Variants in ZNF804B observed in about 807,000 individuals in gnomAD.
ZNF804B encodes the protein zinc finger 804B.
Under a neutral mutation model 101.4 loss-of-function variants are expected in ZNF804B, and 80 were observed. That is an observed-to-expected ratio of 0.79 (90% CI 0.66 to 0.95). The LOEUF is 0.95. ZNF804B is among the 40% of genes least tolerant of loss of function. ZNF804B has a pLI of 0.00. For missense variants in ZNF804B, 1,673 were observed against 1,561.9 expected, an observed-to-expected ratio of 1.07 and a Z score of -1.20; for synonymous variants, 622 against 558.8, an observed-to-expected ratio of 1.11 and a Z score of -1.59.
intron 1 of ZNF804B, among the ~76,000 whole-genome samples, chr7:88,942,600 G>T (rs1793072146): frequency 6.8e-6 from 1 of 146,082 alleles, no homozygotes; most frequent in Admixed American, 6.9e-5. Context: ...AAAAAAAAAA[G>T]CCTGGCATAT....
intron 2 of ZNF804B, among the ~76,000 whole-genome samples, chr7:89,259,001 C>G (rs1356903847): frequency 6.6e-6 from 1 of 151,434 alleles, no homozygotes; most frequent in Non-Finnish European, 1.5e-5. Context: ...TTTTTCATTT[C>G]TAAAAAAATG....
chr7:89,250,462 TA>T (rs995839167), intron 2 of ZNF804B, among the ~76,000 whole-genome samples: 5 of 151,688 alleles, frequency 3.3e-5, no homozygotes, highest in African/African-American at 9.7e-5. Flanking sequence ...ATCTACCAAC[TA>T]AAAAAAGCCC....
intron 1 of ZNF804B, among the ~76,000 whole-genome samples, chr7:89,175,751 T>C (rs1231994952): frequency 6.6e-6 from 1 of 152,110 alleles, no homozygotes; most frequent in African/African-American, 2.4e-5. Flanking sequence ...TTTTCATCAA[T>C]ATTTTATAAT....
intron 1 of ZNF804B, among the ~76,000 whole-genome samples, chr7:89,118,746 A>G (rs951043203): frequency 6.6e-6 from 1 of 152,130 alleles, no homozygotes; most frequent in Non-Finnish European, 1.5e-5. Context: ...AAGGTTAAAA[A>G]TTTTTTGTGG....
intron 1 of ZNF804B, among the ~76,000 whole-genome samples, chr7:89,207,026 C>T (rs34103923): frequency 0.24 from 36,348 of 152,100 alleles, 4,591 homozygotes; most frequent in Non-Finnish European, 0.27. Context: ...GTCCATGTTG[C>T]TGTCAGCATT....
chr7:88,926,944 G>GT (rs1792812017), intron 1 of ZNF804B, among the ~76,000 whole-genome samples: 1 of 85,752 alleles, frequency 1.2e-5, no homozygotes, highest in African/African-American at 5.1e-5. Flanking sequence ...GGTGGGGAGC[G>GT]GGGGGAAAGC....
intron 1 of ZNF804B, among the ~76,000 whole-genome samples, chr7:88,769,134 A>G (rs1790027361): frequency 6.6e-6 from 1 of 152,216 alleles, no homozygotes. Flanking sequence ...TCAAACTCCA[A>G]TTGGGATAAT....
intron 1 of ZNF804B, among the ~76,000 whole-genome samples, chr7:89,027,556 C>T (rs998696917): frequency 2.0e-5 from 3 of 152,150 alleles, no homozygotes; most frequent in African/African-American, 4.8e-5. Flanking sequence ...AAACTACAGA[C>T]ACTTTTATGA....
At chr7:88,936,208 C>T (rs1485774180) in intron 1 of ZNF804B, among the ~76,000 whole-genome samples, 1 of 151,896 alleles carries the variant, frequency 6.6e-6, no homozygotes, top group South Asian at 2.1e-4. Flanking sequence ...CAATGATGTT[C>T]CCAGCATTAC....
intron 1 of ZNF804B, among the ~76,000 whole-genome samples, chr7:88,912,550 T>G (rs886621688): frequency 2.0e-5 from 3 of 152,146 alleles, no homozygotes; most frequent in African/African-American, 7.2e-5. Flanking sequence ...TTTCACATTT[T>G]GTCTATGTTC....
chr7:88,818,333 G>T (rs1216000932), intron 1 of ZNF804B, among the ~76,000 whole-genome samples: 2 of 151,946 alleles, frequency 1.3e-5, no homozygotes, highest in African/African-American at 2.4e-5. Flanking sequence ...ATAAATTAGG[G>T]ATTATCCTAA....
At chr7:89,217,133 A>G (rs887295181) in intron 1 of ZNF804B, among the ~76,000 whole-genome samples, 1 of 152,248 alleles carries the variant, frequency 6.6e-6, no homozygotes, top group African/African-American at 2.4e-5. Context: ...GAATAAATAG[A>G]CATGAAAACA....
At chr7:88,781,857 C>T (rs192934401) in intron 1 of ZNF804B, among the ~76,000 whole-genome samples, 20 of 152,156 alleles carry the variant, frequency 1.3e-4, no homozygotes, top group South Asian at 4.2e-4. Flanking sequence ...CAAAAACCCC[C>T]GCGACACTTT....
chr7:89,060,874 C>T lies in ZNF804B; in HGVS notation c.109-157281C>T, dbSNP rs867771438. ...AAAAGATGTCTTTTTTGTACATCGG[C>T]ATTTGTGAAATACATTTCTTGATAT... On this transcript the variant is annotated intron_variant, in intron 1 of 3. Transcript: ENST00000333190. Among the ~76,000 whole-genome samples the T allele has an allele frequency of 2.4e-4, 37 of 152,196 alleles. 1 individual carries two copies. The Middle Eastern group carries it at 0.014, about 56-fold the overall frequency.
rs1477524371 is a variant in ZNF804B, at chr7:89,335,749, C to T, written c.2767C>T (p.Leu923=). 4.3e-6 allele frequency: 7 copies of T among 1,613,980 alleles called. No homozygotes were observed. In the East Asian group the frequency reaches 1.6e-4, roughly 36 times the overall value. Reference sequence around the variant, plus strand: ...CACTGCAGAAGGAGAGAGGACCCCTCTAACAGCAAAAATCCTTTTAGAAAG... The same window carrying T: ...CACTGCAGAAGGAGAGAGGACCCCTTTAACAGCAAAAATCCTTTTAGAAAG... The part of the protein sequence containing the change: ...SNTAEGERTP[L]TAKILLERVQ... The change falls in exon 4 of 4, where the codon CTA becomes TTA. Residue 923 remains leucine, a synonymous_variant. Transcript: ENST00000333190.
chr7:88,828,974 A>G (rs941950977), intron 1 of ZNF804B, among the ~76,000 whole-genome samples: 25 of 152,170 alleles, frequency 1.6e-4, no homozygotes, highest in African/African-American at 7.2e-5. Context: ...ATGTTTACCC[A>G]GCTACTGAAC....
intron 1 of ZNF804B, among the ~76,000 whole-genome samples, chr7:88,844,436 T>C (rs889809211): frequency 5.9e-5 from 9 of 152,196 alleles, no homozygotes; most frequent in Non-Finnish European, 7.4e-5. Context: ...GTTCCACCTA[T>C]TTGTCTAATT....
Position 88,962,182 on chromosome 7 carries a change from A to G in ZNF804B, c.108+202098A>G, listed in dbSNP as rs1343726113. ...CCTAAAATGGTTTATCTCTGCACTC[A>G]CTTCCTTAAGGACCAGAAGTTGTTT... On this transcript the variant is annotated intron_variant, in intron 1 of 3. Coordinates refer to ENST00000333190, the MANE Select transcript of ZNF804B (RefSeq NM_181646.5). 2.6e-5 allele frequency among the ~76,000 whole-genome samples: 4 copies of G among 151,332 alleles called. No homozygotes were observed. The East Asian group carries it at 7.9e-4, about 30-fold the overall frequency.
At chr7:88,800,347 G>A (rs545180058) in intron 1 of ZNF804B, among the ~76,000 whole-genome samples, 4 of 151,904 alleles carry the variant, frequency 2.6e-5, no homozygotes, top group African/African-American at 7.3e-5. Flanking sequence ...ATAGTATTAC[G>A]GAACAGTGTT....
Sources: gnomAD v4.1 joint callset for allele counts (sites outside exome capture counted in the v4.1 genomes callset) on GRCh38, gnomAD v4.1.1 for gene constraint, MANE v1.5 for transcripts, NCBI Gene and HGNC (gene_info 2026-07-23, HGNC 2026-07-21) for gene names.